The following MYRFL variants were observed in gnomAD, a reference collection of about 807,000 sequenced individuals.
The protein encoded by MYRFL is myelin regulatory factor-like protein.
A neutral mutation model predicts 109.4 loss-of-function variants in MYRFL; 88 were observed. The ratio of observed to expected loss-of-function variants is 0.80; its 90% confidence interval spans 0.68 to 0.96. The LOEUF is 0.96. Among genes scored for constraint, MYRFL ranks in the 40% least tolerant of loss-of-function variants. The pLI is 0.00. For synonymous variants in MYRFL, 324 were observed against 320.9 expected (o/e 1.01, Z -0.10); for missense variants, 957 against 954.9 (o/e 1.00, Z -0.03).
chr12:69,952,828 A>G lies in MYRFL; in HGVS notation c.2317A>G (p.Ile773Val), dbSNP rs1375133332. 1.3e-6 allele frequency: 2 copies of G among 1,535,342 alleles called. No individual in the cohort carries two copies. Among genetic ancestry groups the G allele is most frequent in the East Asian group, 2.4e-5 (1 of 40,896 alleles). Reference sequence around the variant, plus strand: ...TGATACAACCATCAGTTCTATTCAGATTATGGAAATCCAGCAAATAATAGA... The same window carrying G: ...TGATACAACCATCAGTTCTATTCAGGTTATGGAAATCCAGCAAATAATAGA... Reference protein sequence around the residue: ...WIDTTISSIQIMEIQQIIDHQ... With the variant: ...WIDTTISSIQVMEIQQIIDHQ... The change falls in exon 21 of 25, where the codon ATT (isoleucine) becomes GTT (valine). Residue 773 changes from isoleucine (I) to valine (V), a missense_variant. By Grantham distance (29) the Ile-to-Val change is conservative. Transcript: ENST00000552032.
At chr12:69,949,586 G>A (rs765321006) in intron 19 of MYRFL, among the ~76,000 whole-genome samples, 7 of 152,056 alleles carry the variant, frequency 4.6e-5, no homozygotes, top group African/African-American at 9.7e-5. Flanking sequence ...GGCCCAGGAC[G>A]GCTTTGAATG....
intron 2 of MYRFL, among the ~76,000 whole-genome samples, chr12:69,856,931 C>T (rs905874471): frequency 2.0e-5 from 3 of 151,774 alleles, no homozygotes; most frequent in African/African-American, 7.2e-5. Context: ...TCTTATATGA[C>T]TTACGGTTTA....
chr12:69,945,043 A>G (rs1322761334), intron 19 of MYRFL, among the ~76,000 whole-genome samples: 2 of 151,684 alleles, frequency 1.3e-5, no homozygotes, highest in African/African-American at 4.9e-5. Context: ...TAAAGATATA[A>G]AGAAAGAAAA....
chr12:69,844,253 A>G (rs12317927), intron 1 of MYRFL, among the ~76,000 whole-genome samples: 1 of 152,196 alleles, frequency 6.6e-6, no homozygotes. Flanking sequence ...CACATCAGGC[A>G]GGTCCTAGAG....
At chr12:69,860,143 C>G (rs1270572216) in intron 2 of MYRFL, among the ~76,000 whole-genome samples, 1 of 152,032 alleles carries the variant, frequency 6.6e-6, no homozygotes, top group African/African-American at 2.4e-5. Context: ...TGTTGTTCCC[C>G]CTTGTGTTCA....
intron 10 of MYRFL, among the ~76,000 whole-genome samples, chr12:69,901,895 T>TTTTA (rs1200901842): frequency 2.7e-5 from 4 of 149,820 alleles, no homozygotes; most frequent in African/African-American, 7.4e-5. Flanking sequence ...TTTTTTTTGT[T>TTTTA]TTTTTTAAAT....
In MYRFL at chr12:69,849,082, G is replaced by T. The variant is rs113727576; in HGVS notation, c.47-6198G>T. ...AGACAGGGTTTCACCATGTTTGCCA[G>T]GCTGGTTTCAAACTCCTGGGCTTAA... On this transcript the variant is annotated intron_variant, in intron 1 of 24. Coordinates refer to ENST00000552032, the MANE Select transcript of MYRFL (RefSeq NM_182530.3). 6.5e-3 allele frequency among the ~76,000 whole-genome samples: 982 copies of T among 151,772 alleles called. 8 individuals carry two copies. Among genetic ancestry groups the T allele is most frequent in the African/African-American group, 0.023 (931 of 41,070 alleles).
chr12:69,935,879 C>CCAT, intron 16 of MYRFL: 1 of 518,116 alleles, frequency 1.9e-6, no homozygotes, highest in South Asian at 3.5e-5. Flanking sequence ...GTGGAAAAAT[C>CCAT]CATCAGCATG....
Position 69,879,286 on chromosome 12 carries a change from C to T in MYRFL, c.297C>T (p.His99=). Residue 99 remains histidine, a synonymous_variant, in exon 4 of 25, where the codon CAC becomes CAT. Coordinates refer to ENST00000552032, the MANE Select transcript of MYRFL (RefSeq NM_182530.3). ...CTGCTCCTGCGATGCCGCCCATGCA[C>T]CCGCTGCAGAGCACCTCTGGAATGG... ...PTAAPAMPPM[H]PLQSTSGMGD... is the part of the protein sequence containing the mutation. The T allele has an allele frequency of 2.8e-6, 2 of 702,894 alleles. No individual in the cohort carries two copies. The highest frequency in any genetic ancestry group is 5.2e-6 in the Non-Finnish European group (2 of 384,852). 43.5% of individuals were successfully genotyped at this position (702,894 alleles called of 1,614,324 possible).
intron 9 of MYRFL, among the ~76,000 whole-genome samples, chr12:69,896,526 C>T (rs561988170): frequency 2.0e-5 from 3 of 152,186 alleles, no homozygotes; most frequent in South Asian, 4.1e-4. Flanking sequence ...ATCAGTGGTA[C>T]GTATGAAGAG....
chr12:69,943,828 C>A (rs948969550), intron 19 of MYRFL, among the ~76,000 whole-genome samples: 8 of 151,716 alleles, frequency 5.3e-5, no homozygotes, highest in Non-Finnish European at 1.0e-4. Flanking sequence ...AACTCAAACA[C>A]ATTTACAAGA....
chr12:69,950,847 GATA>G (rs1955955791), intron 19 of MYRFL, among the ~76,000 whole-genome samples: 1 of 152,158 alleles, frequency 6.6e-6, no homozygotes, highest in Admixed American at 6.5e-5. Context: ...ATAATCTAAA[GATA>G]ATAATTTCAA....
At chr12:69,897,363 C>A in intron 10 of MYRFL, 117 bp downstream of exon 10, 1 of 788,842 alleles carries the variant, frequency 1.3e-6, no homozygotes, top group Non-Finnish European at 2.1e-6. Context: ...ATAGTAATGG[C>A]AGAAACTATT....
intron 1 of MYRFL, among the ~76,000 whole-genome samples, chr12:69,834,009 C>T (rs1882790970): frequency 6.6e-6 from 1 of 152,040 alleles, no homozygotes; most frequent in African/African-American, 2.4e-5. Context: ...GCTCCAGAAA[C>T]TCATAATGTA....
At chr12:69,885,149 A>ATCAC (rs2136335267) in intron 5 of MYRFL, among the ~76,000 whole-genome samples, 1 of 152,122 alleles carries the variant, frequency 6.6e-6, no homozygotes, top group Non-Finnish European at 1.5e-5. Context: ...TAGCTTTTGG[A>ATCAC]GGAGTGAGAG....
At chr12:69,895,565 C>T in intron 9 of MYRFL, 84 bp downstream of exon 9, 3 of 1,031,478 alleles carry the variant, frequency 2.9e-6, no homozygotes, top group South Asian at 2.9e-5. Flanking sequence ...CTCTGATCTT[C>T]CTGGTGCTAC....
chr12:69,839,145 C>T (rs1883107552), intron 1 of MYRFL, among the ~76,000 whole-genome samples: 1 of 152,194 alleles, frequency 6.6e-6, no homozygotes, highest in Non-Finnish European at 1.5e-5. Flanking sequence ...ACCCCATCAG[C>T]AGGCACACCC....
intron 10 of MYRFL, among the ~76,000 whole-genome samples, chr12:69,902,095 T>C (rs1479637879): frequency 2.0e-5 from 3 of 152,034 alleles, no homozygotes; most frequent in African/African-American, 7.2e-5. Flanking sequence ...GGCTTCACCA[T>C]GTTGGCCAGG....
Position 69,927,747 on chromosome 12 carries a change from A to T in MYRFL, c.1829A>T (p.Lys610Met). ...AGGGCCGTTCATAAAAAAAACAACA[A>T]GGTAAATAGACACATTTACAATGAA... Reference protein sequence around the residue: ...PRRAVHKKNNKVYFSGKRQAC... With the variant: ...PRRAVHKKNNMVYFSGKRQAC... Residue 610 changes from lysine (K) to methionine (M), a missense_variant and splice_region_variant, in exon 15 of 25, where the codon AAG (lysine) becomes ATG (methionine). Transcript: ENST00000552032. 7 of 1,532,444 alleles carry T rather than the reference A, an allele frequency of 4.6e-6. No homozygotes were observed. The highest frequency in any genetic ancestry group is 1.4e-5 in the African/African-American group (1 of 72,978). 94.9% of individuals were successfully genotyped at this position (1,532,444 alleles called of 1,614,324 possible).
Sources: gnomAD v4.1 joint callset for allele counts (sites outside exome capture counted in the v4.1 genomes callset) on GRCh38, gnomAD v4.1.1 for gene constraint, MANE v1.5 for transcripts, NCBI Gene and HGNC (gene_info 2026-07-23, HGNC 2026-07-21) for gene names.